ADAM10: variants seen among roughly 807,000 people sequenced by gnomAD.
ADAM10 encodes ADAM metallopeptidase domain 10, also known as disintegrin and metalloproteinase domain-containing protein 10.
Under a neutral mutation model 90.1 loss-of-function variants are expected in ADAM10, and 17 were observed. That is an observed-to-expected ratio of 0.19 (90% CI 0.13 to 0.28). The LOEUF is 0.28. Ranked by LOEUF, ADAM10 falls within the 10% of genes least tolerant of loss-of-function variation. The pLI, the probability that ADAM10 is intolerant of heterozygous loss-of-function variation, is 1.00. For missense variants in ADAM10, 610 were observed against 914.3 expected, an observed-to-expected ratio of 0.67 and a Z score of 4.29; for synonymous variants, 310 against 298.6, an observed-to-expected ratio of 1.04 and a Z score of -0.40.
intron 11 of ADAM10, among the ~76,000 whole-genome samples, chr15:58,619,740 T>TA (rs1162363444): frequency 1.1e-4 from 17 of 152,056 alleles, no homozygotes; most frequent in Middle Eastern, 6.8e-3. Context: ...CCATCTCTAC[T>TA]AAAAATACAA....
chr15:58,659,226 T>A (rs866161387), intron 5 of ADAM10, among the ~76,000 whole-genome samples: 44 of 149,120 alleles, frequency 3.0e-4, no homozygotes, highest in Admixed American at 2.1e-3. Context: ...TGGGCCGAGA[T>A]CACACCACTG....
intron 2 of ADAM10, among the ~76,000 whole-genome samples, chr15:58,713,552 T>A (rs964735932): frequency 2.0e-5 from 3 of 152,234 alleles, no homozygotes; most frequent in Non-Finnish European, 4.4e-5. Flanking sequence ...AACTGACATA[T>A]ATACAGCATT....
intron 14 of ADAM10, among the ~76,000 whole-genome samples, chr15:58,601,973 T>A (rs767298925): frequency 4.3e-4 from 66 of 152,214 alleles, no homozygotes; most frequent in Non-Finnish European, 5.4e-4. Flanking sequence ...ACTGCTGATG[T>A]TAACTTGATC....
chr15:58,610,929 A>T, intron 13 of ADAM10, 70 bp downstream of exon 13: 6 of 1,204,894 alleles, frequency 5.0e-6, no homozygotes, highest in Non-Finnish European at 7.4e-6. Flanking sequence ...TCAAAGTTTT[A>T]CACTTAAAAT....
At chr15:58,730,811 G>GA (rs1231476621) in intron 1 of ADAM10, among the ~76,000 whole-genome samples, 6 of 151,888 alleles carry the variant, frequency 4.0e-5, no homozygotes, top group Non-Finnish European at 8.8e-5. Context: ...TAAAGGCCAG[G>GA]AAAAAAACAA....
intron 5 of ADAM10, among the ~76,000 whole-genome samples, chr15:58,651,567 ATGT>A (rs1896688054): frequency 6.6e-6 from 1 of 152,198 alleles, no homozygotes; most frequent in South Asian, 2.1e-4. Context: ...AGTTCCATCC[ATGT>A]TGTCGCAAAT....
At chr15:58,640,744 G>A (rs778613226) in intron 8 of ADAM10, 33 bp downstream of exon 8, 2 of 1,599,198 alleles carry the variant, frequency 1.3e-6, no homozygotes, top group Non-Finnish European at 1.7e-6. Context: ...GTTTCAAGTA[G>A]TAAGTTAAGA....
At chr15:58,749,420 C>A (rs1899905370) in intron 1 of ADAM10, 60 bp downstream of exon 1, 1 of 1,482,016 alleles carries the variant, frequency 6.7e-7, no homozygotes, top group South Asian at 1.3e-5. Flanking sequence ...GGGCTCCGCT[C>A]GGCCCGGCCG....
At chr15:58,743,347 A>G (rs1242148506) in intron 1 of ADAM10, among the ~76,000 whole-genome samples, 2 of 152,096 alleles carry the variant, frequency 1.3e-5, no homozygotes, top group Non-Finnish European at 2.9e-5. Context: ...CCTTCTCCAC[A>G]CAAACTACAT....
At position 58,593,203 on chromosome 15, in the gene ADAM10, A is replaced by G. The variant is rs1011030901; in HGVS notation, c.*4344T>C. 1 of 83,762 alleles carries G rather than the reference A, an allele frequency of 1.2e-5. No individual in the cohort carries two copies. Among genetic ancestry groups the G allele is most frequent in the South Asian group, 4.5e-4 (1 of 2,246 alleles). 5.2% of individuals were successfully genotyped at this position (83,762 alleles called of 1,614,324 possible). A position where few individuals can be genotyped will look rare whatever the true frequency, so the allele number is the denominator to read the frequency against. On this transcript the variant is annotated 3_prime_UTR_variant, in exon 16 of 16. Transcript: ENST00000260408. ...TTTTTTTTTTTTTTTTTTTTGAGAC[A>G]GAGTCTCGCTCTGTCACCCAGGCTG...
At chr15:58,726,623 A>C (rs1899040340) in intron 1 of ADAM10, among the ~76,000 whole-genome samples, 1 of 150,162 alleles carries the variant, frequency 6.7e-6, no homozygotes, top group Non-Finnish European at 1.5e-5. Flanking sequence ...GCAAGAAAAG[A>C]GGGGGACAAG....
intron 14 of ADAM10, among the ~76,000 whole-genome samples, chr15:58,600,502 T>C (rs1201946920): frequency 6.6e-6 from 1 of 152,222 alleles, no homozygotes; most frequent in Non-Finnish European, 1.5e-5. Flanking sequence ...ATATATAATA[T>C]CTTTATTGTA....
chr15:58,641,160 AG>A (rs1228813581), intron 7 of ADAM10, among the ~76,000 whole-genome samples, 200 bp from the exon 8 acceptor site: 1 of 152,248 alleles, frequency 6.6e-6, no homozygotes, highest in African/African-American at 2.4e-5. Context: ...CAAATAAAAA[AG>A]AAAGGCTAGG....
chr15:58,738,071 A>AG (rs1432884836), intron 1 of ADAM10, among the ~76,000 whole-genome samples: 1 of 152,254 alleles, frequency 6.6e-6, no homozygotes. Flanking sequence ...AGGATATAAG[A>AG]GTAAGCTAAG....
chr15:58,632,516 A>G (rs1456839376), intron 9 of ADAM10, among the ~76,000 whole-genome samples: 1 of 152,226 alleles, frequency 6.6e-6, no homozygotes, highest in African/African-American at 2.4e-5. Flanking sequence ...TAAAAGCAAC[A>G]AAGACTGTAC....
chr15:58,646,184 A>T lies in ADAM10; in HGVS notation c.606T>A (p.Ala202=). ...EVTQIPQEEH[A]ANGPELLRKK... is the part of the protein sequence containing the mutation. ...TCCTCAGAAGTTCTGGACCATTAGC[A>T]GCATGTTCTTCTTGAGGTATCTATA... The change falls in exon 6 of 16, where the codon GCT becomes GCA. Residue 202 remains alanine (A), a synonymous_variant. Coordinates refer to ENST00000260408, the MANE Select transcript of ADAM10 (RefSeq NM_001110.4). 6.2e-7 allele frequency: 1 copy of T among 1,613,192 alleles called. No individual in the cohort carries two copies. The highest frequency in any genetic ancestry group is 1.3e-5 in the African/African-American group (1 of 75,046).
intron 5 of ADAM10, among the ~76,000 whole-genome samples, chr15:58,647,246 G>GTCTTTTTTTTTTTTT (rs1323960397): frequency 5.4e-5 from 2 of 36,828 alleles, no homozygotes; most frequent in African/African-American, 1.5e-4. Flanking sequence ...TAGACACTAA[G>GTCTTTTTTTTTTTTT]TATTTTTTTT....
At position 58,696,891 on chromosome 15, in the gene ADAM10, G is replaced by A. The variant is rs974209071; in HGVS notation, c.207-14577C>T. 2.9e-4 allele frequency among the ~76,000 whole-genome samples: 44 copies of A among 152,140 alleles called. 1 individual carries two copies. The highest frequency in any genetic ancestry group is 7.4e-5 in the Non-Finnish European group (5 of 68,014). On this transcript the variant is annotated intron_variant, in intron 2 of 15. Coordinates refer to ENST00000260408, the MANE Select transcript of ADAM10 (RefSeq NM_001110.4). Reference sequence around the variant, plus strand: ...GTCCTAAGCAGCTAGAGCACAGCACGTTTTGAGAGCCCAGCCCCAACAAGG... The same window carrying A: ...GTCCTAAGCAGCTAGAGCACAGCACATTTTGAGAGCCCAGCCCCAACAAGG...
chr15:58,639,576 C>T (rs1441628893), intron 8 of ADAM10, among the ~76,000 whole-genome samples: 1 of 151,814 alleles, frequency 6.6e-6, no homozygotes, highest in Non-Finnish European at 1.5e-5. Flanking sequence ...ATCCAAGTAA[C>T]AAAAAAGTAC....
Sources: gnomAD v4.1 joint callset for allele counts (sites outside exome capture counted in the v4.1 genomes callset) on GRCh38, gnomAD v4.1.1 for gene constraint, MANE v1.5 for transcripts, NCBI Gene and HGNC (gene_info 2026-07-23, HGNC 2026-07-21) for gene names.